NCK2: variants seen among roughly 807,000 people sequenced by gnomAD.
NCK2 encodes NCK adaptor protein 2.
A neutral mutation model predicts 33.9 loss-of-function variants in NCK2; 16 were observed. That is an observed-to-expected ratio of 0.47 (90% CI 0.32 to 0.72). The LOEUF (loss-of-function observed/expected upper bound fraction) is 0.72, where lower values mean the gene tolerates loss of function less well. Ranked by LOEUF, NCK2 falls within the 30% of genes least tolerant of loss-of-function variation. The pLI is 0.03. For synonymous variants in NCK2, 273 were observed against 239.9 expected (o/e 1.14, Z -1.27); for missense variants, 418 against 537.3 (o/e 0.78, Z 2.19).
At chr2:105,891,554 T>TGAGATAGAG (rs1573259312) in intron 4 of NCK2, among the ~76,000 whole-genome samples, 1 of 11,346 alleles carries the variant, frequency 8.8e-5, no homozygotes, top group African/African-American at 5.2e-4. Flanking sequence ...TTTTTTTTTT[T>TGAGATAGAG]TTTTTTTTTT....
chr2:105,866,278 G>A (rs1010560910), intron 3 of NCK2, among the ~76,000 whole-genome samples: 6 of 152,182 alleles, frequency 3.9e-5, no homozygotes, highest in African/African-American at 1.4e-4. Context: ...AATGCTCCGT[G>A]ATCTTATCAC....
intron 4 of NCK2, 30 bp from the exon 5 acceptor site, chr2:105,892,952 G>C: frequency 6.3e-7 from 1 of 1,580,570 alleles, no homozygotes; most frequent in Non-Finnish European, 8.7e-7. Context: ...GCTGTGGCCC[G>C]GCTGTAACTG....
intron 1 of NCK2, among the ~76,000 whole-genome samples, chr2:105,775,421 G>A (rs142466689): frequency 9.2e-5 from 14 of 152,202 alleles, no homozygotes; most frequent in African/African-American, 2.4e-4. Flanking sequence ...ATTTTTAACC[G>A]AAATTTAGTT....
rs147710955 is a variant in NCK2 at position 105,867,050 on chromosome 2, C to T, written c.226+11761C>T. On this transcript the variant is annotated intron_variant, in intron 3 of 4. Transcript: ENST00000233154. ...CAGACATGCTTTCTAAACTAAGCCGCTCTCCAAGGAACCACTTTTTCCTTT... is the reference window on the plus strand; with the variant it reads ...CAGACATGCTTTCTAAACTAAGCCGTTCTCCAAGGAACCACTTTTTCCTTT... Among the ~76,000 whole-genome samples the T allele has an allele frequency of 2.8e-4, 42 of 152,324 alleles. 1 individual carries two copies. The East Asian group carries it at 5.2e-3, about 19-fold the overall frequency.
rs554344142 is a variant in NCK2, at chr2:105,768,338, T to C, written c.-201+23200T>C. 4.6e-5 allele frequency among the ~76,000 whole-genome samples: 7 copies of C among 152,318 alleles called. No individual in the cohort carries two copies. In the South Asian group the frequency reaches 1.4e-3, roughly 32 times the overall value. Reference sequence around the variant, plus strand: ...CTGATTCTCTGACACCACCTAGGTGTCCCCTAATTTGGTTCAGTTCTGACA... The same window carrying C: ...CTGATTCTCTGACACCACCTAGGTGCCCCCTAATTTGGTTCAGTTCTGACA... On this transcript the variant is annotated intron_variant, in intron 1 of 4. Coordinates refer to ENST00000233154, the MANE Select transcript of NCK2 (RefSeq NM_003581.5).
At chr2:105,822,481 G>C (rs964078006) in intron 2 of NCK2, among the ~76,000 whole-genome samples, 1 of 152,030 alleles carries the variant, frequency 6.6e-6, no homozygotes, top group Admixed American at 6.5e-5. Context: ...GGTCCCTGAC[G>C]CTTCCCACAG....
chr2:105,871,774 C>T (rs1678020936), intron 3 of NCK2, among the ~76,000 whole-genome samples: 2 of 152,160 alleles, frequency 1.3e-5, no homozygotes. Context: ...GGATTACAGG[C>T]ATCAGCCACT....
intron 3 of NCK2, among the ~76,000 whole-genome samples, chr2:105,859,372 G>A (rs537928642): frequency 2.4e-4 from 37 of 152,180 alleles, no homozygotes; most frequent in African/African-American, 5.8e-4. Flanking sequence ...CCACCTGCCC[G>A]TGGCTCACCC....
At chr2:105,790,618 G>T (rs1161934493) in intron 1 of NCK2, among the ~76,000 whole-genome samples, 1 of 152,228 alleles carries the variant, frequency 6.6e-6, no homozygotes, top group East Asian at 1.9e-4. Flanking sequence ...ACATCTTACT[G>T]CATCCCCCGC....
chr2:105,802,660 C>T (rs4851091), intron 1 of NCK2, among the ~76,000 whole-genome samples: 48,896 of 152,104 alleles, frequency 0.32, 9,255 homozygotes, highest in Middle Eastern at 0.43. Context: ...CTCATCACCA[C>T]GAGGAAGGCA....
intron 1 of NCK2, chr2:105,745,924 G>A (rs1689272104): frequency 6.6e-6 from 1 of 152,202 alleles, no homozygotes; most frequent in African/African-American, 2.4e-5. Flanking sequence ...TGCCTTATGA[G>A]CACAGTTAGC....
chr2:105,814,709 A>G (rs7595024), intron 1 of NCK2, among the ~76,000 whole-genome samples: 128,324 of 152,166 alleles, frequency 0.84, 54,191 homozygotes, highest in Middle Eastern at 0.88. Flanking sequence ...CTTTAGTGTC[A>G]CTGAGAAAGT....
intron 2 of NCK2, among the ~76,000 whole-genome samples, chr2:105,831,740 C>G (rs1172712120): frequency 4.6e-5 from 7 of 152,000 alleles, no homozygotes; most frequent in Non-Finnish European, 8.8e-5. Context: ...CTATTCTGTT[C>G]CCTTTGTCGA....
At chr2:105,869,919 T>C (rs975607648) in intron 3 of NCK2, among the ~76,000 whole-genome samples, 14 of 152,240 alleles carry the variant, frequency 9.2e-5, no homozygotes, top group African/African-American at 3.4e-4. Context: ...GACCATTTTT[T>C]TTTCAGGTTT....
intron 2 of NCK2, among the ~76,000 whole-genome samples, chr2:105,847,526 G>C (rs560572783): frequency 2.0e-5 from 3 of 152,240 alleles, no homozygotes; most frequent in African/African-American, 7.2e-5. Context: ...GTGTGCAGCG[G>C]AACTGGCCTC....
At chr2:105,758,179 C>T (rs778352094) in intron 1 of NCK2, among the ~76,000 whole-genome samples, 1 of 151,990 alleles carries the variant, frequency 6.6e-6, no homozygotes, top group Non-Finnish European at 1.5e-5. Context: ...ACTAATACTT[C>T]CTTATTTTTT....
chr2:105,827,548 G>T (rs1676000711), intron 2 of NCK2, among the ~76,000 whole-genome samples: 1 of 152,116 alleles, frequency 6.6e-6, no homozygotes, highest in Non-Finnish European at 1.5e-5. Flanking sequence ...AAAGTAGCAG[G>T]ATACACATTC....
intron 4 of NCK2, among the ~76,000 whole-genome samples, chr2:105,887,949 T>A (rs958990033): frequency 1.3e-5 from 2 of 152,184 alleles, no homozygotes; most frequent in African/African-American, 4.8e-5. Context: ...AAGAATTACC[T>A]AAAGGAATGA....
chr2:105,748,576 A>T (rs1253833214), intron 1 of NCK2, among the ~76,000 whole-genome samples: 2 of 151,398 alleles, frequency 1.3e-5, no homozygotes, highest in African/African-American at 2.4e-5. Flanking sequence ...GAATTTTTTT[A>T]TTTTTATTTT....
Sources: allele counts gnomAD v4.1 joint callset (sites outside exome capture counted in the v4.1 genomes callset), GRCh38; gene constraint gnomAD v4.1.1; transcripts MANE v1.5; gene names NCBI Gene and HGNC (gene_info 2026-07-23, HGNC 2026-07-21).